SLC5A11: variants seen among roughly 807,000 people sequenced by gnomAD.
SLC5A11 encodes solute carrier family 5 member 11, also known as sodium/myo-inositol cotransporter 2.
Under a neutral mutation model 69.8 loss-of-function variants are expected in SLC5A11, and 48 were observed. That is an observed-to-expected ratio of 0.69 (90% CI 0.55 to 0.87). The LOEUF (loss-of-function observed/expected upper bound fraction) is 0.87. Ranked by LOEUF, SLC5A11 falls within the 40% of genes least tolerant of loss-of-function variation. The probability of loss-of-function intolerance (pLI) is 0.00; values close to 1 mark genes in which losing one functional copy is unlikely to be tolerated. For synonymous variants in SLC5A11, 319 were observed against 342.4 expected, an observed-to-expected ratio of 0.93 and a Z score of 0.75; for missense variants, 784 against 866.1, an observed-to-expected ratio of 0.91 and a Z score of 1.19.
exon 12 of SLC5A11, chr16:24,907,134 C>T (rs1193822700): frequency 6.2e-7 from 1 of 1,614,126 alleles, no homozygotes; most frequent in East Asian, 2.2e-5. Context: ...GGAATCACCT[C>T]CGGCCTCGGG....
intron 8 of SLC5A11, among the ~76,000 whole-genome samples, chr16:24,889,940 ATG>A (rs1373010206): frequency 1.2e-4 from 18 of 152,222 alleles, no homozygotes; most frequent in African/African-American, 4.3e-4. Flanking sequence ...TTGCAATCCT[ATG>A]TATTTTTGCA....
At chr16:24,891,310 CTT>C (rs11286846) in intron 9 of SLC5A11, among the ~76,000 whole-genome samples, 2,610 of 102,162 alleles carry the variant, frequency 0.026, 20 homozygotes, top group Middle Eastern at 0.062. Flanking sequence ...CACACTCTGC[CTT>C]TTTTTTTTTT....
At chr16:24,909,386 T>C (rs1314307646) in intron 14 of SLC5A11, among the ~76,000 whole-genome samples, 1 of 152,032 alleles carries the variant, frequency 6.6e-6, no homozygotes, top group Non-Finnish European at 1.5e-5. Flanking sequence ...ATGCCTGTAA[T>C]CCCAGCACTT....
At position 24,906,569 on chromosome 16, in the gene SLC5A11, T is replaced by A; in HGVS notation, c.1007-88T>A. On this transcript the variant is annotated intron_variant, in intron 10 of 15. Transcript: ENST00000347898. ...TTTCATTGAGCTATAAACTTCCATA[T>A]GATAAGCCTGTGTCCGGCCCCATGT... 7.0e-6 allele frequency: 5 copies of A among 714,866 alleles called. No individual in the cohort carries two copies. In the South Asian group the frequency reaches 1.2e-4, roughly 17 times the overall value. The allele number at this position is 714,866 out of a possible 1,614,324, so 44.3% of individuals were successfully genotyped here.
At chr16:24,871,655 T>A (rs1449551262) in intron 4 of SLC5A11, among the ~76,000 whole-genome samples, 1 of 152,046 alleles carries the variant, frequency 6.6e-6, no homozygotes, top group Non-Finnish European at 1.5e-5. Context: ...ATTATGAGGG[T>A]CAAATGAATT....
At chr16:24,895,692 G>A (rs377721931) in intron 9 of SLC5A11, among the ~76,000 whole-genome samples, 2 of 152,114 alleles carry the variant, frequency 1.3e-5, no homozygotes, top group South Asian at 4.1e-4. Flanking sequence ...TGAATGTGCT[G>A]TGTCCAGTGG....
At chr16:24,850,754 T>C (rs1050697140) in intron 1 of SLC5A11, among the ~76,000 whole-genome samples, 2 of 152,220 alleles carry the variant, frequency 1.3e-5, no homozygotes, top group South Asian at 4.2e-4. Context: ...GGCTGTGACT[T>C]CAAAACATGA....
intron 7 of SLC5A11, among the ~76,000 whole-genome samples, chr16:24,880,864 C>G (rs2047999399): frequency 6.6e-6 from 1 of 152,146 alleles, no homozygotes; most frequent in Non-Finnish European, 1.5e-5. Context: ...TCTCCACAAC[C>G]TCGCCAACGT....
At chr16:24,871,866 C>T (rs56946292) in intron 4 of SLC5A11, among the ~76,000 whole-genome samples, 2,029 of 152,200 alleles carry the variant, frequency 0.013, 46 homozygotes, top group African/African-American at 0.047. Context: ...GTTTTAATCA[C>T]TGCTGAGGAG....
At chr16:24,870,930 A>T (rs930241701) in intron 4 of SLC5A11, among the ~76,000 whole-genome samples, 1 of 152,030 alleles carries the variant, frequency 6.6e-6, no homozygotes, top group Non-Finnish European at 1.5e-5. Flanking sequence ...ACAGCTCAGT[A>T]GTTTTTGACT....
At chr16:24,906,342 CA>C (rs753153658) in intron 10 of SLC5A11, among the ~76,000 whole-genome samples, 5,525 of 76,010 alleles carry the variant, frequency 0.073, 134 homozygotes, top group African/African-American at 0.14. Flanking sequence ...GGCTCCGTCT[CA>C]AAAAAAAAAA....
Position 24,870,117 on chromosome 16 carries a change from G to A in SLC5A11, c.312+112G>A, listed in dbSNP as rs530587573. ...TTTAAAAATAGAATGGTGGGGCCAG[G>A]CGCGGTGGCTCACGCCTGTAATCTC... On this transcript the variant is annotated intron_variant, in intron 4 of 15. Coordinates refer to ENST00000347898, the Ensembl canonical transcript of SLC5A11. 193 of 745,614 alleles carry A rather than the reference G, an allele frequency of 2.6e-4. No homozygotes were observed. The African/African-American group carries it at 3.0e-3, about 12-fold the overall frequency. 46.2% of individuals were successfully genotyped at this position (745,614 alleles called of 1,614,324 possible). A position where few individuals can be genotyped will look rare whatever the true frequency, so the allele number is the denominator to read the frequency against.
At chr16:24,879,102 A>G (rs561426653) in intron 7 of SLC5A11, among the ~76,000 whole-genome samples, 1 of 152,082 alleles carries the variant, frequency 6.6e-6, no homozygotes, top group African/African-American at 2.4e-5. Context: ...GGAAAAATTA[A>G]TTGGGGTGAA....
intron 1 of SLC5A11, among the ~76,000 whole-genome samples, chr16:24,852,498 C>A (rs541197989): frequency 6.6e-6 from 1 of 152,130 alleles, no homozygotes; most frequent in Non-Finnish European, 1.5e-5. Context: ...TTTGTTATAA[C>A]ACAAGCTGCC....
chr16:24,897,190 GCAATC>G (rs1228519201), intron 9 of SLC5A11, among the ~76,000 whole-genome samples: 1 of 151,928 alleles, frequency 6.6e-6, no homozygotes, highest in African/African-American at 2.4e-5. Flanking sequence ...CTGGGCCCAA[GCAATC>G]CTCCTGCTTT....
At chr16:24,848,126 C>A (rs1472746419) in intron 1 of SLC5A11, among the ~76,000 whole-genome samples, 2 of 152,100 alleles carry the variant, frequency 1.3e-5, no homozygotes, top group African/African-American at 4.8e-5. Flanking sequence ...GCATCCCAGG[C>A]AGAGGGAACA....
Position 24,869,888 on chromosome 16 carries a change from C to G in SLC5A11, c.208-13C>G, listed in dbSNP as rs1567602977. On this transcript the variant is annotated splice_polypyrimidine_tract_variant and intron_variant, in intron 3 of 15. Transcript: ENST00000347898. ...CTTTGTCTCCAAGATCTGACCCGTC[C>G]ATCTCCCCACAGGTGGGTGCATCCT... 6.2e-7 allele frequency: 1 copy of G among 1,601,148 alleles called. No homozygotes were observed. Among genetic ancestry groups the G allele is most frequent in the Non-Finnish European group, 8.6e-7 (1 of 1,168,282 alleles).
intron 8 of SLC5A11, among the ~76,000 whole-genome samples, chr16:24,884,713 A>T (rs1220137703): frequency 6.6e-6 from 1 of 151,206 alleles, no homozygotes; most frequent in East Asian, 1.9e-4. Flanking sequence ...GAATGTGAAG[A>T]GACAGCTTTT....
chr16:24,903,740 C>T (rs997479098), intron 10 of SLC5A11, among the ~76,000 whole-genome samples: 2 of 152,154 alleles, frequency 1.3e-5, no homozygotes, highest in Non-Finnish European at 2.9e-5. Flanking sequence ...ATATGTACCA[C>T]ATTTTCTTTA....
Sources: allele counts gnomAD v4.1 joint callset (sites outside exome capture counted in the v4.1 genomes callset), GRCh38; gene constraint gnomAD v4.1.1; transcripts MANE v1.5; gene names NCBI Gene and HGNC (gene_info 2026-07-23, HGNC 2026-07-21).